Variants in CNTN5 observed in about 807,000 individuals in gnomAD.
The protein encoded by CNTN5 is contactin 5, also known as contactin-5.
A neutral mutation model predicts 129.1 loss-of-function variants in CNTN5; 77 were observed. That is an observed-to-expected ratio of 0.60 (90% CI 0.50 to 0.72). CNTN5 has a LOEUF of 0.72. Among genes scored for constraint, CNTN5 ranks in the 30% least tolerant of loss-of-function variants. The pLI is 0.00. For synonymous variants in CNTN5, 509 were observed against 465.6 expected (o/e 1.09, Z -1.20); for missense variants, 1,478 against 1,328.8 (o/e 1.11, Z -1.75).
chr11:99,804,840 A>G (rs980391394), intron 3 of CNTN5, among the ~76,000 whole-genome samples: 1 of 149,948 alleles, frequency 6.7e-6, no homozygotes, highest in East Asian at 1.9e-4. Flanking sequence ...ATGTATATAC[A>G]TATAAAATAT....
intron 3 of CNTN5, among the ~76,000 whole-genome samples, chr11:99,691,561 G>A (rs1954040418): frequency 6.6e-6 from 1 of 152,052 alleles, no homozygotes; most frequent in Non-Finnish European, 1.5e-5. Flanking sequence ...GTATAATTTT[G>A]AGTGAATTTC....
intron 1 of CNTN5, among the ~76,000 whole-genome samples, chr11:99,155,742 CA>C (rs1339351394): frequency 6.6e-6 from 1 of 151,326 alleles, no homozygotes. Context: ...ACAATGATGA[CA>C]ATAACATTCA....
intron 7 of CNTN5, among the ~76,000 whole-genome samples, chr11:99,940,630 G>A (rs1950413266): frequency 1.3e-5 from 2 of 152,052 alleles, no homozygotes; most frequent in African/African-American, 4.8e-5. Context: ...ATTGATGAAA[G>A]TATTGGTGTA....
chr11:99,849,860 C>T (rs1947817087), intron 6 of CNTN5, among the ~76,000 whole-genome samples: 1 of 152,012 alleles, frequency 6.6e-6, no homozygotes, highest in Non-Finnish European at 1.5e-5. Flanking sequence ...TTCCCTATTC[C>T]AGTATAAATG....
chr11:99,023,891 T>G (rs1862995736), intron 1 of CNTN5, among the ~76,000 whole-genome samples: 1 of 152,186 alleles, frequency 6.6e-6, no homozygotes, highest in Non-Finnish European at 1.5e-5. Flanking sequence ...TGATTTTATC[T>G]CTCTTTCTTC....
intron 2 of CNTN5, among the ~76,000 whole-genome samples, chr11:99,361,342 GC>G (rs1168141720): frequency 6.6e-6 from 1 of 152,010 alleles, no homozygotes; most frequent in African/African-American, 2.4e-5. Context: ...GGACTAAGAT[GC>G]CCCTTAAAGA....
At chr11:99,023,003 G>A (rs1257987780) in intron 1 of CNTN5, among the ~76,000 whole-genome samples, 4 of 152,084 alleles carry the variant, frequency 2.6e-5, no homozygotes, top group Non-Finnish European at 5.9e-5. Flanking sequence ...ACTAAATGCC[G>A]GACTTTGTCT....
At chr11:99,311,084 A>G (rs994211697) in intron 1 of CNTN5, among the ~76,000 whole-genome samples, 1 of 151,974 alleles carries the variant, frequency 6.6e-6, no homozygotes, top group African/African-American at 2.4e-5. Flanking sequence ...GCACGATACC[A>G]CGCCCGGATA....
intron 3 of CNTN5, among the ~76,000 whole-genome samples, chr11:99,780,220 C>T (rs572394420): frequency 1.3e-5 from 2 of 152,010 alleles, no homozygotes; most frequent in East Asian, 3.9e-4. Flanking sequence ...GCATGCAGTC[C>T]TCTGCAGAAA....
At chr11:99,132,770 G>A (rs940976194) in intron 1 of CNTN5, among the ~76,000 whole-genome samples, 19 of 152,268 alleles carry the variant, frequency 1.2e-4, no homozygotes, top group African/African-American at 4.6e-4. Flanking sequence ...CAAGTAGATG[G>A]AGAAACATTA....
In CNTN5 at chr11:100,106,530, G is replaced by A. The variant is rs190138083; in HGVS notation, c.1580+32236G>A. On this transcript the variant is annotated intron_variant, in intron 13 of 24. Coordinates refer to ENST00000524871, the MANE Select transcript of CNTN5 (RefSeq NM_014361.4). ...CATGCATGTTGAAGAAAACTCTACCGTTGTAATTTAAGAAACAACAACATA... is the reference window on the plus strand; with the variant it reads ...CATGCATGTTGAAGAAAACTCTACCATTGTAATTTAAGAAACAACAACATA... Among the ~76,000 whole-genome samples the A allele has an allele frequency of 4.5e-4, 68 of 152,224 alleles. 1 individual carries two copies. The highest frequency in any genetic ancestry group is 3.4e-3 in the Middle Eastern group (1 of 294).
At chr11:99,432,803 T>C (rs1301383440) in intron 2 of CNTN5, among the ~76,000 whole-genome samples, 2 of 151,626 alleles carry the variant, frequency 1.3e-5, no homozygotes, top group African/African-American at 4.8e-5. Flanking sequence ...ATGCTATATA[T>C]ATGGAGTGGC....
chr11:100,325,845 C>A (rs1335020386), intron 21 of CNTN5, among the ~76,000 whole-genome samples: 1 of 152,070 alleles, frequency 6.6e-6, no homozygotes. Flanking sequence ...GGTGATGAGA[C>A]TGAAGGAAAA....
At chr11:99,469,197 C>A (rs914681605) in intron 2 of CNTN5, among the ~76,000 whole-genome samples, 2 of 151,980 alleles carry the variant, frequency 1.3e-5, no homozygotes, top group Non-Finnish European at 2.9e-5. Context: ...TATCAATAAG[C>A]AATTCATTAT....
At chr11:99,489,299 A>G (rs1051711906) in intron 2 of CNTN5, among the ~76,000 whole-genome samples, 1 of 152,184 alleles carries the variant, frequency 6.6e-6, no homozygotes, top group Non-Finnish European at 1.5e-5. Flanking sequence ...ATGTAACTGG[A>G]TAAAAATCAG....
chr11:99,335,352 C>A (rs1043644726), intron 2 of CNTN5, among the ~76,000 whole-genome samples: 2 of 151,988 alleles, frequency 1.3e-5, no homozygotes, highest in East Asian at 1.9e-4. Context: ...AACATAAGTT[C>A]TCTGGAGTCA....
chr11:100,202,264 C>T (rs1948800479), intron 15 of CNTN5, among the ~76,000 whole-genome samples: 1 of 151,940 alleles, frequency 6.6e-6, no homozygotes, highest in Non-Finnish European at 1.5e-5. Context: ...AGCAAGATCA[C>T]ATTTTTAATT....
At chr11:100,159,026 A>G (rs1190877443) in intron 13 of CNTN5, among the ~76,000 whole-genome samples, 1 of 151,950 alleles carries the variant, frequency 6.6e-6, no homozygotes, top group Admixed American at 6.6e-5. Flanking sequence ...AATATAGGTG[A>G]ATCACATAAA....
At chr11:99,868,591 C>A (rs1300629746) in intron 6 of CNTN5, among the ~76,000 whole-genome samples, 3 of 152,106 alleles carry the variant, frequency 2.0e-5, no homozygotes, top group African/African-American at 7.2e-5. Context: ...AAAATGATTT[C>A]AAGTTGGTTC....
Sources: gnomAD v4.1 joint callset for allele counts (sites outside exome capture counted in the v4.1 genomes callset) on GRCh38, gnomAD v4.1.1 for gene constraint, MANE v1.5 for transcripts, NCBI Gene and HGNC (gene_info 2026-07-23, HGNC 2026-07-21) for gene names.